Variants in EBF3 observed in about 807,000 individuals in gnomAD.
EBF3 encodes the protein transcription factor COE3.
Under a neutral mutation model 77.1 loss-of-function variants are expected in EBF3, and 18 were observed. That is an observed-to-expected ratio of 0.23 (90% CI 0.16 to 0.35). EBF3 has a LOEUF of 0.35. Among genes scored for constraint, EBF3 ranks in the 10% least tolerant of loss-of-function variants. The pLI is 1.00. For synonymous variants in EBF3, 350 were observed against 343.5 expected (o/e 1.02, Z -0.21); for missense variants, 558 against 860.0 (o/e 0.65, Z 4.39).
chr10:129,852,856 C>G (rs1465049769), intron 10 of EBF3, among the ~76,000 whole-genome samples: 1 of 152,156 alleles, frequency 6.6e-6, no homozygotes. Flanking sequence ...GGGGCTTGGT[C>G]GTGGGTCCCC....
chr10:129,890,866 A>G (rs908855203), intron 6 of EBF3, among the ~76,000 whole-genome samples: 3 of 152,222 alleles, frequency 2.0e-5, no homozygotes, highest in African/African-American at 7.2e-5. Context: ...GAGTCACCAG[A>G]GAACTCTCAA....
chr10:129,921,004 A>T (rs2134355725), intron 6 of EBF3, among the ~76,000 whole-genome samples: 1 of 152,250 alleles, frequency 6.6e-6, no homozygotes, highest in Middle Eastern at 3.4e-3. Context: ...GGGGACAGGG[A>T]GGGGTAGCCT....
chr10:129,937,492 CCAAGCCCACACAACCTGTGGGGGTCTG>C (rs1310854114), intron 6 of EBF3, among the ~76,000 whole-genome samples: 1 of 152,138 alleles, frequency 6.6e-6, no homozygotes, highest in Admixed American at 6.5e-5. Flanking sequence ...CAGCGCTGCC[CCAAGCCCACACAACCTGTGGGGGTCTG>C]CAAGCCCACC....
chr10:129,887,847 A>G (rs905904844), intron 6 of EBF3, among the ~76,000 whole-genome samples: 4 of 152,150 alleles, frequency 2.6e-5, no homozygotes, highest in African/African-American at 9.7e-5. Flanking sequence ...AGCGTTGACT[A>G]TAAACCTGGC....
chr10:129,893,101 C>A (rs1409946010), intron 6 of EBF3, among the ~76,000 whole-genome samples: 2 of 152,314 alleles, frequency 1.3e-5, no homozygotes, highest in Non-Finnish European at 1.5e-5. Flanking sequence ...GTGATTCACT[C>A]CTGAAATGTA....
chr10:129,924,215 G>A (rs1856494150), intron 6 of EBF3, among the ~76,000 whole-genome samples: 1 of 152,154 alleles, frequency 6.6e-6, no homozygotes, highest in Non-Finnish European at 1.5e-5. Context: ...AAGAGATCGA[G>A]AACAGCCTGG....
chr10:129,923,654 T>C (rs977114352), intron 6 of EBF3, among the ~76,000 whole-genome samples: 2 of 151,904 alleles, frequency 1.3e-5, no homozygotes, highest in African/African-American at 4.8e-5. Context: ...TCCAAATGGA[T>C]CAAAGACCTA....
chr10:129,837,150 C>T lies in EBF3; in HGVS notation c.*793G>A, dbSNP rs1052945451. On this transcript the variant is annotated 3_prime_UTR_variant, in exon 17 of 17. Coordinates refer to ENST00000440978, the MANE Select transcript of EBF3 (RefSeq NM_001375380.1). The stretch of plus-strand genomic sequence containing the variant: ...AGTAGCCTAAGAATGCAATAGTATA[C>T]AGTGCTAGCAAAAGTTGAAAAAATG... 1 of 152,594 alleles carries T rather than the reference C, an allele frequency of 6.6e-6. No individual in the cohort carries two copies. The highest frequency in any genetic ancestry group is 2.4e-5 in the African/African-American group (1 of 41,442). The allele number at this position is 152,594 out of a possible 1,614,324, so 9.5% of individuals were successfully genotyped here.
rs1308382760 is a variant in EBF3 at position 129,944,610 on chromosome 10, T to C, written c.554+12648A>G. 6.6e-6 allele frequency among the ~76,000 whole-genome samples: 1 copy of C among 152,200 alleles called. No homozygotes were observed. The highest frequency in any genetic ancestry group is 2.4e-5 in the African/African-American group (1 of 41,454). The stretch of plus-strand genomic sequence containing the variant: ...TGAAGGCAGCGTTTGGGGAGCATTT[T>C]CTTAGTGGAAGCTGGAGCGCCCCTC... On this transcript the variant is annotated intron_variant, in intron 6 of 16. Transcript: ENST00000440978. The surrounding 1 kb of genome is among the most constrained non-coding windows in gnomAD (Gnocchi z 5.1).
intron 10 of EBF3, among the ~76,000 whole-genome samples, chr10:129,862,299 T>C (rs1851696046): frequency 6.6e-6 from 1 of 152,124 alleles, no homozygotes; most frequent in South Asian, 2.1e-4. Context: ...TATGTTCCCA[T>C]CTAGTAACTG....
chr10:129,921,867 C>G (rs981367704), intron 6 of EBF3, among the ~76,000 whole-genome samples: 1 of 152,212 alleles, frequency 6.6e-6, no homozygotes, highest in African/African-American at 2.4e-5. Context: ...CCCACACCTG[C>G]CGTCCCATCC....
chr10:129,862,388 C>A (rs1440993298), intron 10 of EBF3, among the ~76,000 whole-genome samples: 1 of 152,170 alleles, frequency 6.6e-6, no homozygotes, highest in Non-Finnish European at 1.5e-5. Flanking sequence ...TTGCTATCGA[C>A]TGCCAATATC....
At chr10:129,928,177 C>G (rs994024351) in intron 6 of EBF3, among the ~76,000 whole-genome samples, 2 of 152,216 alleles carry the variant, frequency 1.3e-5, no homozygotes, top group Non-Finnish European at 2.9e-5. Flanking sequence ...GACGTGTGAA[C>G]AGACGTGTGA....
At chr10:129,908,723 C>A (rs1427181431) in intron 6 of EBF3, among the ~76,000 whole-genome samples, 1 of 152,218 alleles carries the variant, frequency 6.6e-6, no homozygotes, top group Non-Finnish European at 1.5e-5. Flanking sequence ...ACATCATGGA[C>A]ACAGGCCAGC....
At chr10:129,925,069 GGTGTGTGTGTGCACGCGTGT>G (rs1856571172) in intron 6 of EBF3, among the ~76,000 whole-genome samples, 1 of 129,000 alleles carries the variant, frequency 7.8e-6, no homozygotes, top group African/African-American at 3.1e-5. Context: ...AGCAAAATGT[GGTGTGTGTGTGCACGCGTGT>G]GTGTGTGTGT....
chr10:129,867,766 G>A lies in EBF3; in HGVS notation c.912+16C>T, dbSNP rs370180220. On this transcript the variant is annotated intron_variant, in intron 9 of 16. Transcript: ENST00000440978. ...AGACAGCAACAGCGCGAAGCTGACC[G>A]AGTCCGCGGGCTTACCTCGCTCCAC... 95 of 1,599,154 alleles carry A rather than the reference G, an allele frequency of 5.9e-5. No homozygotes were observed. The highest frequency in any genetic ancestry group is 1.8e-4 in the East Asian group (8 of 44,178).
intron 6 of EBF3, among the ~76,000 whole-genome samples, chr10:129,942,122 T>C (rs1266307582): frequency 1.3e-5 from 2 of 152,238 alleles, no homozygotes; most frequent in Non-Finnish European, 2.9e-5. Context: ...TCTCTCAGCA[T>C]GGACGGCTCC....
Position 129,963,823 on chromosome 10 carries a change from G to A in EBF3, c.-55C>T. 6.8e-7 allele frequency: 1 copy of A among 1,469,380 alleles called. No homozygotes were observed. The highest frequency in any genetic ancestry group is 9.1e-7 in the Non-Finnish European group (1 of 1,098,396). 91.0% of individuals were successfully genotyped at this position (1,469,380 alleles called of 1,614,324 possible). A position where few individuals can be genotyped will look rare whatever the true frequency, so the allele number is the denominator to read the frequency against. ...GGCCGAAAGCGTTTCCTCGAGCAGC[G>A]GCGCTCGGGGCTTGGCGGCAGGCGG... On this transcript the variant is annotated 5_prime_UTR_variant, in exon 1 of 17. Transcript: ENST00000440978. The surrounding 1 kb of genome is among the most constrained non-coding windows in gnomAD (Gnocchi z 7.1).
rs533333390 is a variant in EBF3, at chr10:129,851,972, T to C, written c.1040-3492A>G. On this transcript the variant is annotated intron_variant, in intron 10 of 16. Coordinates refer to ENST00000440978, the MANE Select transcript of EBF3 (RefSeq NM_001375380.1). Reference sequence around the variant, plus strand: ...AGTAATTTTTGTTGGAGAGCTTTTATTTTAGAATAAGAAAATTACACAGCA... The same window carrying C: ...AGTAATTTTTGTTGGAGAGCTTTTACTTTAGAATAAGAAAATTACACAGCA... 3.3e-5 allele frequency among the ~76,000 whole-genome samples: 5 copies of C among 152,358 alleles called. No homozygotes were observed. In the East Asian group the frequency reaches 9.6e-4, roughly 29 times the overall value.
Sources: allele counts gnomAD v4.1 joint callset (sites outside exome capture counted in the v4.1 genomes callset), GRCh38; gene constraint gnomAD v4.1.1; non-coding constraint Gnocchi (gnomAD v3.1); transcripts MANE v1.5; gene names NCBI Gene and HGNC (gene_info 2026-07-23, HGNC 2026-07-21).